Variants in ADGRG6 observed in about 807,000 individuals in gnomAD.
ADGRG6 encodes the protein G-protein coupled receptor 126.
In ADGRG6, 84 loss-of-function variants were observed where a neutral mutation model predicts 142.4. That is an observed-to-expected ratio of 0.59 (90% CI 0.49 to 0.71). ADGRG6 has a LOEUF of 0.71. Ranked by LOEUF, ADGRG6 falls within the 30% of genes least tolerant of loss-of-function variation. The pLI is 0.00. For synonymous variants in ADGRG6, 521 were observed against 520.5 expected (o/e 1.00, Z -0.01); for missense variants, 1,367 against 1,466.6 (o/e 0.93, Z 1.11).
intron 9 of ADGRG6, among the ~76,000 whole-genome samples, chr6:142,395,437 C>T (rs2114991019): frequency 6.6e-6 from 1 of 152,284 alleles, no homozygotes; most frequent in Middle Eastern, 3.4e-3. Flanking sequence ...AATGGTATAC[C>T]TTCTTCAGGC....
chr6:142,375,286 A>G (rs1184829894), intron 4 of ADGRG6, among the ~76,000 whole-genome samples: 1 of 152,214 alleles, frequency 6.6e-6, no homozygotes, highest in Non-Finnish European at 1.5e-5. Context: ...AATTTTGTCA[A>G]AAGGGTACCG....
intron 1 of ADGRG6, among the ~76,000 whole-genome samples, chr6:142,303,045 G>A (rs182886164): frequency 6.6e-6 from 1 of 152,274 alleles, no homozygotes; most frequent in Non-Finnish European, 1.5e-5. Context: ...TGAAAGGGTC[G>A]CCAAGCACCG....
intron 24 of ADGRG6, among the ~76,000 whole-genome samples, chr6:142,441,699 A>C (rs1244195354): frequency 6.6e-6 from 1 of 152,186 alleles, no homozygotes; most frequent in Non-Finnish European, 1.5e-5. Context: ...TTTTCTAAAA[A>C]CACCAAGCAC....
At chr6:142,408,120 T>C in intron 15 of ADGRG6, 30 bp from the exon 16 acceptor site, 1 of 1,518,490 alleles carries the variant, frequency 6.6e-7, no homozygotes, top group Non-Finnish European at 8.9e-7. Context: ...TACTTCTGAC[T>C]GATACACGCG....
intron 1 of ADGRG6, among the ~76,000 whole-genome samples, chr6:142,308,525 G>C (rs1434193042): frequency 6.6e-6 from 1 of 151,880 alleles, no homozygotes; most frequent in Non-Finnish European, 1.5e-5. Context: ...GCAGGCTTTA[G>C]GGTAGATATT....
At chr6:142,427,978 G>T (rs1770219729) in intron 22 of ADGRG6, among the ~76,000 whole-genome samples, 1 of 152,154 alleles carries the variant, frequency 6.6e-6, no homozygotes, top group African/African-American at 2.4e-5. Flanking sequence ...TGAGATTTGG[G>T]TGGGGACACA....
At chr6:142,363,174 C>T (rs945438523) in intron 2 of ADGRG6, among the ~76,000 whole-genome samples, 12 of 152,110 alleles carry the variant, frequency 7.9e-5, no homozygotes, top group Admixed American at 6.5e-5. Context: ...TATTCAATAT[C>T]ATCCACAAAT....
chr6:142,332,439 G>A (rs1309872744), intron 2 of ADGRG6, among the ~76,000 whole-genome samples: 1 of 150,526 alleles, frequency 6.6e-6, no homozygotes, highest in Non-Finnish European at 1.5e-5. Context: ...TGAGACCTCA[G>A]TTGGCTCTCT....
At chr6:142,391,165 G>A (rs1000192827) in intron 7 of ADGRG6, among the ~76,000 whole-genome samples, 3 of 151,122 alleles carry the variant, frequency 2.0e-5, no homozygotes, top group Admixed American at 6.6e-5. Flanking sequence ...ACAACACATG[G>A]ATTTTTTCAT....
chr6:142,363,475 C>T (rs1456598837), intron 2 of ADGRG6, among the ~76,000 whole-genome samples: 2 of 152,116 alleles, frequency 1.3e-5, no homozygotes, highest in African/African-American at 4.8e-5. Context: ...TAAAAATACG[C>T]ACAAGTAAAT....
intron 22 of ADGRG6, among the ~76,000 whole-genome samples, chr6:142,421,924 T>A (rs1776670759): frequency 6.6e-6 from 1 of 152,218 alleles, no homozygotes; most frequent in Non-Finnish European, 1.5e-5. Context: ...CACATGAGTC[T>A]ACCAACAATT....
intron 22 of ADGRG6, among the ~76,000 whole-genome samples, chr6:142,434,734 T>A (rs78703403): frequency 0.04 from 6,017 of 152,214 alleles, 355 homozygotes; most frequent in African/African-American, 0.13. Flanking sequence ...TCTTCAGTAA[T>A]TTAAATAGGA....
chr6:142,349,362 C>T (rs552941649), intron 2 of ADGRG6, among the ~76,000 whole-genome samples: 15 of 152,312 alleles, frequency 9.8e-5, no homozygotes, highest in Middle Eastern at 6.8e-3. Flanking sequence ...GTCCCAACAG[C>T]GGCCTCAGCA....
rs369369634 is a variant in ADGRG6 at position 142,422,695 on chromosome 6, G to C, written c.3319+2591G>C. On this transcript the variant is annotated intron_variant, in intron 22 of 24. Transcript: ENST00000367609. ...GTATATACCCAGTAATGGGATGGCT[G>C]GGTCAAATGGTATTTCTAGTTCTAG... Among the ~76,000 whole-genome samples, 152 of 148,514 alleles carry C rather than the reference G, an allele frequency of 1.0e-3. 4 individuals carry two copies. The East Asian group carries it at 0.028, about 27-fold the overall frequency.
chr6:142,407,697 C>T (rs907932572), intron 15 of ADGRG6, among the ~76,000 whole-genome samples: 7 of 152,132 alleles, frequency 4.6e-5, no homozygotes, highest in African/African-American at 1.7e-4. Flanking sequence ...AGTTAGTAAA[C>T]ATGTCAGGCT....
intron 4 of ADGRG6, among the ~76,000 whole-genome samples, chr6:142,373,113 G>A (rs1437275252): frequency 6.6e-6 from 1 of 152,176 alleles, no homozygotes; most frequent in Non-Finnish European, 1.5e-5. Flanking sequence ...GGCACGTGGA[G>A]ATTAACTAAC....
intron 2 of ADGRG6, among the ~76,000 whole-genome samples, chr6:142,341,593 T>TTATATATACTATATAATAGATAATATATA (rs1562324085): frequency 7.1e-5 from 9 of 126,844 alleles, no homozygotes; most frequent in African/African-American, 2.7e-4. Context: ...TATAATATTA[T>TTATATATACTATATAATAGATAATATATA]ATATTATATA....
At chr6:142,365,055 A>T (rs1780883931) in intron 2 of ADGRG6, among the ~76,000 whole-genome samples, 1 of 152,142 alleles carries the variant, frequency 6.6e-6, no homozygotes, top group Non-Finnish European at 1.5e-5. Context: ...GTTGTTGCTT[A>T]CTTTCCTTTA....
intron 9 of ADGRG6, among the ~76,000 whole-genome samples, chr6:142,396,932 T>C (rs984234219): frequency 2.0e-5 from 3 of 152,172 alleles, no homozygotes; most frequent in African/African-American, 7.2e-5. Context: ...GATACATTTC[T>C]TTGCTTCCCA....
Sources: allele counts gnomAD v4.1 joint callset (sites outside exome capture counted in the v4.1 genomes callset), GRCh38; gene constraint gnomAD v4.1.1; transcripts MANE v1.5; gene names NCBI Gene and HGNC (gene_info 2026-07-23, HGNC 2026-07-21).